Variants in GPC5 observed in about 807,000 individuals in gnomAD.
GPC5 encodes glypican 5, also known as glypican-5.
In GPC5, 47 loss-of-function variants were observed where a neutral mutation model predicts 53.9. That is an observed-to-expected ratio of 0.87 (90% confidence interval 0.69 to 1.11). GPC5 has a LOEUF of 1.11. Among genes scored for constraint, GPC5 ranks in the 50% most tolerant of loss-of-function variants. The pLI is 0.00. For missense variants in GPC5, 748 were observed against 713.1 expected (o/e 1.05, Z -0.56); for synonymous variants, 286 against 263.3 (o/e 1.09, Z -0.84).
intron 2 of GPC5, among the ~76,000 whole-genome samples, chr13:91,584,475 CTATCA>C (rs1163277204): frequency 7.2e-5 from 11 of 152,140 alleles, no homozygotes; most frequent in Admixed American, 2.0e-4. Flanking sequence ...AAAAGATAAA[CTATCA>C]GTAAATATCT....
At chr13:91,532,212 TAAAA>T (rs1266437609) in intron 2 of GPC5, among the ~76,000 whole-genome samples, 1 of 152,198 alleles carries the variant, frequency 6.6e-6, no homozygotes, top group Non-Finnish European at 1.5e-5. Flanking sequence ...AAGCTCTGGC[TAAAA>T]ACGATTAAAT....
intron 7 of GPC5, among the ~76,000 whole-genome samples, chr13:92,627,043 T>C (rs1885067917): frequency 6.6e-6 from 1 of 152,176 alleles, no homozygotes; most frequent in African/African-American, 2.4e-5. Context: ...ATTTAAAAAT[T>C]CTAACTTCTT....
At chr13:92,669,998 A>T (rs1368325415) in intron 7 of GPC5, among the ~76,000 whole-genome samples, 1 of 152,212 alleles carries the variant, frequency 6.6e-6, no homozygotes, top group Non-Finnish European at 1.5e-5. Flanking sequence ...ATAATTTTTA[A>T]TATTTTAGTC....
rs1394029616 is a variant in GPC5 at position 92,788,056 on chromosome 13, C to A, written c.1562-78226C>A. ...ATTAAAAGTGCATATCCAGTGCTGA[C>A]CAGTATGAAACATAAACCTGTACCT... On this transcript the variant is annotated intron_variant, in intron 7 of 7. Transcript: ENST00000377067. 8.6e-5 allele frequency among the ~76,000 whole-genome samples: 13 copies of A among 151,918 alleles called. No homozygotes were observed. The South Asian group carries it at 2.5e-3, about 29-fold the overall frequency.
chr13:91,747,913 A>T (rs1265399451), intron 4 of GPC5, among the ~76,000 whole-genome samples: 1 of 152,056 alleles, frequency 6.6e-6, no homozygotes, highest in Non-Finnish European at 1.5e-5. Flanking sequence ...TCTCATTTCC[A>T]CTTTTGTTAT....
chr13:91,738,789 C>G (rs901934714), intron 4 of GPC5, among the ~76,000 whole-genome samples: 4 of 151,354 alleles, frequency 2.6e-5, no homozygotes, highest in Non-Finnish European at 4.4e-5. Flanking sequence ...TAGTTTCACT[C>G]CATTACCCTC....
At chr13:92,767,573 A>G (rs1473043797) in intron 7 of GPC5, among the ~76,000 whole-genome samples, 1 of 152,206 alleles carries the variant, frequency 6.6e-6, no homozygotes, top group African/African-American at 2.4e-5. Context: ...AATCTTCAAG[A>G]TGTGATAACT....
chr13:92,513,020 T>G (rs771672637), intron 7 of GPC5, among the ~76,000 whole-genome samples: 32 of 152,344 alleles, frequency 2.1e-4, no homozygotes, highest in Middle Eastern at 3.4e-3. Flanking sequence ...CTGTCCTCCA[T>G]GCAGATGTGA....
chr13:92,551,016 C>G (rs1039026344), intron 7 of GPC5, among the ~76,000 whole-genome samples: 4 of 151,944 alleles, frequency 2.6e-5, no homozygotes, highest in African/African-American at 9.6e-5. Flanking sequence ...CTTTAACTAG[C>G]ATGTTGAGCA....
chr13:92,426,574 G>A lies in GPC5; in HGVS notation c.1561+281585G>A, dbSNP rs540587997. ...AATTATATTTATTTTAAAACAAAAT[G>A]CATAATCAAAGTGTTCATTGGAAGA... On this transcript the variant is annotated intron_variant, in intron 7 of 7. Coordinates refer to ENST00000377067, the MANE Select transcript of GPC5 (RefSeq NM_004466.6). Among the ~76,000 whole-genome samples the A allele has an allele frequency of 1.2e-4, 18 of 152,078 alleles. 1 individual carries two copies. The highest frequency in any genetic ancestry group is 2.7e-4 in the African/African-American group (11 of 41,496).
At chr13:92,792,882 A>C (rs996455664) in intron 7 of GPC5, among the ~76,000 whole-genome samples, 3 of 152,080 alleles carry the variant, frequency 2.0e-5, no homozygotes, top group African/African-American at 7.2e-5. Context: ...CAGATTCATA[A>C]AGCAAGTCCT....
At chr13:91,639,131 GTCTTGATTCTTC>G (rs1431552653) in intron 2 of GPC5, among the ~76,000 whole-genome samples, 1 of 152,118 alleles carries the variant, frequency 6.6e-6, no homozygotes, top group Non-Finnish European at 1.5e-5. Context: ...CTGTCCCTCT[GTCTTGATTCTTC>G]CCCAGCACAG....
intron 6 of GPC5, among the ~76,000 whole-genome samples, chr13:91,942,057 A>T (rs2039932508): frequency 6.6e-6 from 1 of 152,098 alleles, no homozygotes; most frequent in Non-Finnish European, 1.5e-5. Context: ...TTTTTTGGTG[A>T]TAAGAACATT....
intron 6 of GPC5, among the ~76,000 whole-genome samples, chr13:91,921,307 T>C (rs193085462): frequency 6.6e-6 from 1 of 152,140 alleles, no homozygotes; most frequent in Admixed American, 6.6e-5. Flanking sequence ...TAAGAAGATA[T>C]GGGGTCCAGG....
intron 7 of GPC5, among the ~76,000 whole-genome samples, chr13:92,338,730 G>A (rs1046447025): frequency 2.0e-5 from 3 of 152,086 alleles, no homozygotes; most frequent in Non-Finnish European, 2.9e-5. Context: ...GTTGCTAGAG[G>A]TTGGGGAGCA....
chr13:92,570,594 T>C (rs888015045), intron 7 of GPC5, among the ~76,000 whole-genome samples: 2 of 152,114 alleles, frequency 1.3e-5, no homozygotes, highest in African/African-American at 4.8e-5. Flanking sequence ...TTTTACTTAG[T>C]TGATATAATT....
At chr13:91,483,579 T>C (rs111255636) in intron 2 of GPC5, among the ~76,000 whole-genome samples, 1,850 of 152,216 alleles carry the variant, frequency 0.012, 30 homozygotes, top group African/African-American at 0.04. Flanking sequence ...TCTGCTGGGA[T>C]TGGGGTTTAC....
At chr13:91,892,016 C>G (rs1294638555) in intron 5 of GPC5, among the ~76,000 whole-genome samples, 1 of 151,924 alleles carries the variant, frequency 6.6e-6, no homozygotes, top group Non-Finnish European at 1.5e-5. Context: ...TATTTAACAA[C>G]CCAAATCATG....
intron 1 of GPC5, among the ~76,000 whole-genome samples, chr13:91,423,584 G>T (rs1878796561): frequency 1.3e-5 from 2 of 152,090 alleles, no homozygotes; most frequent in Non-Finnish European, 2.9e-5. Flanking sequence ...GGGGGGTGTG[G>T]GGTGTGAATG....
Sources: gnomAD v4.1 joint callset for allele counts (sites outside exome capture counted in the v4.1 genomes callset) on GRCh38, gnomAD v4.1.1 for gene constraint, MANE v1.5 for transcripts, NCBI Gene and HGNC (gene_info 2026-07-23, HGNC 2026-07-21) for gene names.